The following DTNA variants were observed in gnomAD, a reference collection of about 807,000 sequenced individuals.
DTNA encodes the protein dystrophin-related protein 3.
Under a neutral mutation model 100.7 loss-of-function variants are expected in DTNA, and 43 were observed. That is an observed-to-expected ratio of 0.43 (90% CI 0.33 to 0.55). The LOEUF (loss-of-function observed/expected upper bound fraction) is 0.55, where lower values mean the gene tolerates loss of function less well. Ranked by LOEUF, DTNA falls within the 20% of genes least tolerant of loss-of-function variation. DTNA has a pLI of 0.04. For synonymous variants in DTNA, 349 were observed against 347.9 expected (o/e 1.00, Z -0.04); for missense variants, 798 against 953.9 (o/e 0.84, Z 2.15).
intron 1 of DTNA, among the ~76,000 whole-genome samples, chr18:34,534,207 G>C (rs1000071295): frequency 2.0e-5 from 3 of 151,956 alleles, no homozygotes; most frequent in Admixed American, 6.6e-5. Flanking sequence ...AAATTAGCCG[G>C]GCATGGTGGT....
chr18:34,808,913 G>A (rs906785486), intron 5 of DTNA, among the ~76,000 whole-genome samples: 2 of 152,058 alleles, frequency 1.3e-5, no homozygotes, highest in Admixed American at 6.5e-5. Flanking sequence ...CCGATAAATC[G>A]CATTCCCCAC....
chr18:34,879,807 T>A, intron 20 of DTNA, 88 bp downstream of exon 20: 1 of 1,527,168 alleles, frequency 6.5e-7, no homozygotes, highest in Non-Finnish European at 8.9e-7. Context: ...TTGTTTAGGG[T>A]TTTTTTAACC....
Position 34,890,395 on chromosome 18 carries a change from G to A in DTNA, c.*2661G>A. 1.3e-6 allele frequency: 2 copies of A among 1,536,072 alleles called. No individual in the cohort carries two copies. Among genetic ancestry groups the A allele is most frequent in the Non-Finnish European group, 1.7e-6 (2 of 1,146,908 alleles). ...TTTGGGGTTTTGTGTTTTTTGGTGGGTTTCTTTCCTTGGCTCTCCAGATTT... is the reference window on the plus strand; with the variant it reads ...TTTGGGGTTTTGTGTTTTTTGGTGGATTTCTTTCCTTGGCTCTCCAGATTT... On this transcript the variant is annotated 3_prime_UTR_variant, in exon 23 of 23. Transcript: ENST00000444659.
At chr18:34,817,490 TAAC>T (rs1222071982) in intron 7 of DTNA, among the ~76,000 whole-genome samples, 9 of 152,130 alleles carry the variant, frequency 5.9e-5, no homozygotes, top group African/African-American at 2.2e-4. Flanking sequence ...CAAAGAAAGT[TAAC>T]CGTCTCTTGA....
chr18:34,812,271 AACTAAACCCAGC>A (rs2095500598), intron 6 of DTNA, among the ~76,000 whole-genome samples, 158 bp downstream of exon 6: 1 of 152,214 alleles, frequency 6.6e-6, no homozygotes, highest in Non-Finnish European at 1.5e-5. Flanking sequence ...CTGAGCCAGT[AACTAAACCCAGC>A]ACATCTGGAT....
chr18:34,557,447 C>T lies in DTNA; in HGVS notation c.-2+63933C>T, dbSNP rs182298833. On this transcript the variant is annotated intron_variant, in intron 1 of 19. Coordinates refer to the DTNA transcript ENST00000283365. ...CCTTTGGAGGAGGAGAGGCGCTCTGCGTTTCAGAGTTTCCCGTTTTTCTGT... is the reference window on the plus strand; with the variant it reads ...CCTTTGGAGGAGGAGAGGCGCTCTGTGTTTCAGAGTTTCCCGTTTTTCTGT... Among the ~76,000 whole-genome samples, 469 of 152,210 alleles carry T rather than the reference C, an allele frequency of 3.1e-3. 1 individual carries two copies. The highest frequency in any genetic ancestry group is 0.011 in the African/African-American group (447 of 41,476).
At position 34,820,815 on chromosome 18, in the gene DTNA, A is replaced by G; in HGVS notation, c.901A>G (p.Asn301Asp). 6.2e-7 allele frequency: 1 copy of G among 1,614,156 alleles called. No individual in the cohort carries two copies. Among genetic ancestry groups the G allele is most frequent in the Non-Finnish European group, 8.5e-7 (1 of 1,179,990 alleles). The change falls in exon 9 of 23, where the codon AAT becomes GAT. Residue 301 changes from asparagine to aspartate, a missense_variant. By Grantham distance (23) the Asn-to-Asp change is conservative. This residue lies in a region of DTNA where 93 missense variants were observed against 90.5 expected (regional missense o/e 1.03). Coordinates refer to ENST00000444659, the MANE Select transcript of DTNA (RefSeq NM_001386795.1). Reference sequence around the variant, plus strand: ...GAAATCACCTGCTAAGAAGCTGACTAATGCATTAAGCAAGTCCCTGAGCTG... The same window carrying G: ...GAAATCACCTGCTAAGAAGCTGACTGATGCATTAAGCAAGTCCCTGAGCTG... ...SWKSPAKKLT[N>D]ALSKSLSCAS...
At position 34,726,832 on chromosome 18, in the gene DTNA, C is replaced by A. The variant is rs1428307112; in HGVS notation, c.-2+16387C>A. Among the ~76,000 whole-genome samples the A allele has an allele frequency of 2.6e-5, 4 of 152,230 alleles. No individual in the cohort carries two copies. In the East Asian group the frequency reaches 7.7e-4, roughly 29 times the overall value. On this transcript the variant is annotated intron_variant, in intron 1 of 22. Transcript: ENST00000444659. ...CTGAAGGACAGCAACCCCCTTCTCACAGCTCCACTAGGTAGTGCCCTGGTG... is the reference window on the plus strand; with the variant it reads ...CTGAAGGACAGCAACCCCCTTCTCAAAGCTCCACTAGGTAGTGCCCTGGTG...
chr18:34,738,281 C>A (rs1446120016), intron 1 of DTNA, among the ~76,000 whole-genome samples: 1 of 152,000 alleles, frequency 6.6e-6, no homozygotes, highest in Non-Finnish European at 1.5e-5. Context: ...CTTAGTTGAC[C>A]CCAGAGGCCA....
intron 1 of DTNA, among the ~76,000 whole-genome samples, chr18:34,596,860 T>G (rs1477854410): frequency 6.6e-6 from 1 of 152,230 alleles, no homozygotes; most frequent in Non-Finnish European, 1.5e-5. Flanking sequence ...AACAGTTCTT[T>G]TTTTTAATTA....
intron 1 of DTNA, among the ~76,000 whole-genome samples, chr18:34,579,048 C>A (rs1460128630): frequency 3.3e-5 from 5 of 152,034 alleles, no homozygotes; most frequent in Admixed American, 6.6e-5. Context: ...TTCTACTACA[C>A]CTCAATGGAG....
At chr18:34,637,095 T>C (rs796346098) in intron 1 of DTNA, among the ~76,000 whole-genome samples, 35 of 152,324 alleles carry the variant, frequency 2.3e-4, no homozygotes, top group African/African-American at 8.2e-4. Context: ...TGTACTTATA[T>C]AATACCTTGC....
intron 1 of DTNA, among the ~76,000 whole-genome samples, chr18:34,637,357 T>C (rs2058774742): frequency 1.3e-5 from 2 of 152,206 alleles, no homozygotes; most frequent in Non-Finnish European, 2.9e-5. Flanking sequence ...GTAAAGCCAC[T>C]GTTGCTGCCT....
chr18:34,568,340 T>C (rs1461845910), intron 1 of DTNA, among the ~76,000 whole-genome samples: 1 of 152,076 alleles, frequency 6.6e-6, no homozygotes, highest in Non-Finnish European at 1.5e-5. Context: ...TTGAGAGAGA[T>C]TTTTACTGGC....
intron 6 of DTNA, among the ~76,000 whole-genome samples, chr18:34,813,115 A>G (rs1216837500): frequency 2.6e-5 from 4 of 152,210 alleles, no homozygotes; most frequent in African/African-American, 7.2e-5. Context: ...GTGGTAGCAT[A>G]GAAATCCATA....
chr18:34,547,769 C>T (rs1252859452), intron 1 of DTNA, among the ~76,000 whole-genome samples: 2 of 152,004 alleles, frequency 1.3e-5, no homozygotes, highest in Non-Finnish European at 2.9e-5. Flanking sequence ...TACGACTGAG[C>T]TTAAATGACA....
intron 15 of DTNA, among the ~76,000 whole-genome samples, chr18:34,852,986 CT>C (rs1192825154): frequency 6.6e-6 from 1 of 152,098 alleles, no homozygotes. Context: ...AACGGAAGTT[CT>C]TTGAGAACAG....
At chr18:34,627,252 A>G (rs1343859595) in intron 1 of DTNA, among the ~76,000 whole-genome samples, 1 of 152,190 alleles carries the variant, frequency 6.6e-6, no homozygotes, top group Non-Finnish European at 1.5e-5. Context: ...GGTCAAAACA[A>G]ACAAACAAAT....
At chr18:34,837,138 A>G (rs1229072959) in intron 11 of DTNA, among the ~76,000 whole-genome samples, 2 of 152,130 alleles carry the variant, frequency 1.3e-5, no homozygotes, top group Non-Finnish European at 2.9e-5. Context: ...AAGACAGACA[A>G]TTTATTTTTC....
Sources: allele counts gnomAD v4.1 joint callset (sites outside exome capture counted in the v4.1 genomes callset), GRCh38; gene constraint gnomAD v4.1.1; regional missense constraint gnomAD v4.1.1; transcripts MANE v1.5; gene names NCBI Gene and HGNC (gene_info 2026-07-23, HGNC 2026-07-21).